The following ABCA13 variants were observed in gnomAD, a reference collection of about 807,000 sequenced individuals.
ABCA13 encodes the protein ATP binding cassette subfamily A member 13, also known as ATP-binding cassette sub-family A member 13.
In ABCA13, 476 loss-of-function variants were observed where a neutral mutation model predicts 478.7. The ratio of observed to expected loss-of-function variants is 0.99; its 90% CI spans 0.92 to 1.07. The LOEUF (loss-of-function observed/expected upper bound fraction) is 1.07. Ranked by LOEUF, ABCA13 falls within the 50% of genes least tolerant of loss-of-function variation. The pLI, the probability that ABCA13 is intolerant of heterozygous loss-of-function variation, is 0.00. For missense variants in ABCA13, 6,060 were observed against 5,910.6 expected, an observed-to-expected ratio of 1.03 and a Z score of -0.83; for synonymous variants, 2,252 against 2,158.9, an observed-to-expected ratio of 1.04 and a Z score of -1.20.
intron 42 of ABCA13, among the ~76,000 whole-genome samples, chr7:48,434,490 T>C (rs778431519): frequency 3.3e-5 from 5 of 151,964 alleles, no homozygotes; most frequent in Admixed American, 6.6e-5. Flanking sequence ...TAGTTTTTCT[T>C]GTACTAAAGT....
At chr7:48,558,169 CCCTCCCTT>C (rs200043600) in intron 55 of ABCA13, among the ~76,000 whole-genome samples, 13,845 of 137,484 alleles carry the variant, frequency 0.1, 724 homozygotes, top group East Asian at 0.15. Flanking sequence ...CTCCCTCCCT[CCCTCCCTT>C]CCTCCCTTCC....
intron 22 of ABCA13, among the ~76,000 whole-genome samples, chr7:48,297,894 C>A (rs1437140069): frequency 4.6e-5 from 7 of 151,494 alleles, no homozygotes; most frequent in African/African-American, 1.7e-4. Flanking sequence ...CCTGCCTCAG[C>A]CTCCTGAGTA....
At chr7:48,507,631 C>T (rs1421546361) in intron 49 of ABCA13, among the ~76,000 whole-genome samples, 2 of 152,110 alleles carry the variant, frequency 1.3e-5, no homozygotes, top group East Asian at 3.9e-4. Context: ...AAGAAGACTC[C>T]GAAATGCCCT....
rs1184424535 is a variant in ABCA13 at position 48,279,827 on chromosome 7, A to G, written c.8633A>G (p.Tyr2878Cys). The G allele has an allele frequency of 3.1e-6, 5 of 1,589,462 alleles. No homozygotes were observed. The highest frequency in any genetic ancestry group is 1.8e-5 in the Admixed American group (1 of 54,466). Residue 2878 changes from tyrosine to cysteine, a missense_variant, in exon 18 of 62, where the codon TAT becomes TGT. Tyr to Cys is a radical substitution (Grantham distance 194, BLOSUM62 -2). This residue lies in a region of ABCA13 where 4,423 missense variants were observed against 4,309.1 expected (regional missense o/e 1.03). Transcript: ENST00000435803. ...RTKKEMIDFP[Y>C]SFKPFFCLEK... ...AAGAAAGAGATGATTGACTTTCCTT[A>G]TAGTTTCAAACCATTTTTCTGTTTG...
rs1156643955 is a variant in ABCA13, at chr7:48,637,381, C to CAAAAAAAAAAAAAAAAAAAAAAAA, written c.14838-5905_14838-5882dup. ...TGTTTTCTTTATTATGTTCATAAAG[C>CAAAAAAAAAAAAAAAAAAAAAAAA]AAAAAAAAAAAAAAAAAAAAAAAAA... On this transcript the variant is annotated intron_variant, in intron 59 of 61. Coordinates refer to ENST00000435803, the MANE Select transcript of ABCA13 (RefSeq NM_152701.5). 6.9e-4 allele frequency among the ~76,000 whole-genome samples: 14 copies of CAAAAAAAAAAAAAAAAAAAAAAAA among 20,258 alleles called. 1 individual carries two copies. Among genetic ancestry groups the CAAAAAAAAAAAAAAAAAAAAAAAA allele is most frequent in the South Asian group, 2.1e-3 (1 of 466 alleles). The allele number at this position is 20,258 out of a possible 152,430, so 13.3% of individuals were successfully genotyped here.
At chr7:48,258,060 A>G (rs1005227029) in intron 15 of ABCA13, among the ~76,000 whole-genome samples, 2 of 152,120 alleles carry the variant, frequency 1.3e-5, no homozygotes, top group African/African-American at 4.8e-5. Flanking sequence ...AGTATCTGGA[A>G]CTACAGGCAT....
rs538240697 is a variant in ABCA13, at chr7:48,179,774, G to A, written c.69+8222G>A. Among the ~76,000 whole-genome samples, 12 of 152,236 alleles carry A rather than the reference G, an allele frequency of 7.9e-5. No homozygotes were observed. The East Asian group carries it at 1.2e-3, about 15-fold the overall frequency. On this transcript the variant is annotated intron_variant, in intron 1 of 61. Coordinates refer to ENST00000435803, the MANE Select transcript of ABCA13 (RefSeq NM_152701.5). ...TAAAATAGTGCTGTGCTGTGATCCC[G>A]GCAGGTCCTGAGAGCACACTCTCTC...
chr7:48,257,027 C>T (rs1012767884), intron 15 of ABCA13, among the ~76,000 whole-genome samples: 6 of 152,076 alleles, frequency 3.9e-5, no homozygotes, highest in African/African-American at 1.4e-4. Context: ...CTTTCGCCTT[C>T]CTGGTTAGCT....
intron 35 of ABCA13, among the ~76,000 whole-genome samples, chr7:48,381,162 T>A (rs908629836): frequency 2.0e-5 from 3 of 152,110 alleles, no homozygotes; most frequent in Non-Finnish European, 4.4e-5. Context: ...CCTCCTTCTC[T>A]TGGGGTCTGT....
chr7:48,497,955 G>C (rs1193167618), intron 48 of ABCA13, among the ~76,000 whole-genome samples: 1 of 152,190 alleles, frequency 6.6e-6, no homozygotes, highest in African/African-American at 2.4e-5. Flanking sequence ...GCCGTATTCT[G>C]CACTTCTGGG....
chr7:48,624,056 TAGAGTGTG>T (rs1345932446), intron 59 of ABCA13, among the ~76,000 whole-genome samples: 1 of 128,008 alleles, frequency 7.8e-6, no homozygotes, highest in Non-Finnish European at 1.7e-5. Flanking sequence ...GAGCACATGA[TAGAGTGTG>T]TGTGTGTGTG....
chr7:48,230,749 G>GTCCA lies in ABCA13; in HGVS notation c.763+815_763+818dup, dbSNP rs1012585477. 2.6e-3 allele frequency among the ~76,000 whole-genome samples: 385 copies of GTCCA among 149,042 alleles called. 2 individuals are homozygous for GTCCA. The highest frequency in any genetic ancestry group is 8.5e-3 in the African/African-American group (348 of 40,816). On this transcript the variant is annotated intron_variant, in intron 7 of 61. Transcript: ENST00000435803. ...TATTCATCCATTAATCCATCCATCCGTCCATCCATCCATCCATCCATCCAC... is the reference window on the plus strand; with the variant it reads ...TATTCATCCATTAATCCATCCATCCGTCCATCCATCCATCCATCCATCCATCCAC...
At chr7:48,287,897 G>T in intron 19 of ABCA13, 63 bp from the exon 20 acceptor site, 1 of 1,231,092 alleles carries the variant, frequency 8.1e-7, no homozygotes, top group South Asian at 1.3e-5. Flanking sequence ...GTGATTTTGT[G>T]AGAGTGGCTA....
chr7:48,591,506 C>T (rs1430352692), intron 57 of ABCA13, among the ~76,000 whole-genome samples: 1 of 151,776 alleles, frequency 6.6e-6, no homozygotes, highest in Non-Finnish European at 1.5e-5. Flanking sequence ...TTTTCTATTT[C>T]AGTGAAAAAA....
At chr7:48,293,937 C>G (rs1233066101) in intron 20 of ABCA13, among the ~76,000 whole-genome samples, 1 of 152,138 alleles carries the variant, frequency 6.6e-6, no homozygotes, top group Non-Finnish European at 1.5e-5. Flanking sequence ...AGAACAGGAG[C>G]CTCTCAGGCT....
intron 17 of ABCA13, among the ~76,000 whole-genome samples, chr7:48,277,472 C>T (rs1208411991): frequency 1.3e-5 from 2 of 152,174 alleles, no homozygotes; most frequent in African/African-American, 2.4e-5. Flanking sequence ...GATTTTAACT[C>T]CATCTGCAAA....
At chr7:48,518,389 A>G (rs1304045768) in intron 52 of ABCA13, among the ~76,000 whole-genome samples, 2 of 152,208 alleles carry the variant, frequency 1.3e-5, no homozygotes, top group Non-Finnish European at 2.9e-5. Context: ...ATTTAGCTCC[A>G]AAAGAAAAAC....
Position 48,234,058 on chromosome 7 carries a change from T to G in ABCA13, c.804T>G (p.Asp268Glu), listed in dbSNP as rs1209209180. 1 of 1,613,980 alleles carries G rather than the reference T, an allele frequency of 6.2e-7. No individual in the cohort carries two copies. The highest frequency in any genetic ancestry group is 1.1e-5 in the South Asian group (1 of 91,084). The change falls in exon 8 of 62, where the codon GAT becomes GAG. Residue 268 changes from aspartate to glutamate, a missense_variant. This residue lies in a region of ABCA13 where 4,423 missense variants were observed against 4,309.1 expected (regional missense o/e 1.03). Transcript: ENST00000435803. ...TGTCCATGCAGAATATAGTGTGGGA[T>G]CCACAGAAAGTCCAGTATGATCTCA... The part of the protein sequence containing the change: ...YHLSMQNIVW[D>E]PQKVQYDLKS...
At chr7:48,539,128 C>T (rs888544070) in intron 55 of ABCA13, among the ~76,000 whole-genome samples, 7 of 152,124 alleles carry the variant, frequency 4.6e-5, no homozygotes, top group South Asian at 2.1e-4. Context: ...TGCCTGTAAT[C>T]CTAGCACTTT....
Sources: gnomAD v4.1 joint callset for allele counts (sites outside exome capture counted in the v4.1 genomes callset) on GRCh38, gnomAD v4.1.1 for gene constraint, gnomAD v4.1.1 regional missense constraint, MANE v1.5 for transcripts, NCBI Gene and HGNC (gene_info 2026-07-23, HGNC 2026-07-21) for gene names.